KCNIP1: variants seen among roughly 807,000 people sequenced by gnomAD.
KCNIP1 encodes the protein A-type potassium channel modulatory protein KCNIP1.
A neutral mutation model predicts 33.0 loss-of-function variants in KCNIP1; 18 were observed. The ratio of observed to expected loss-of-function variants is 0.55; its 90% CI spans 0.38 to 0.81. The LOEUF (loss-of-function observed/expected upper bound fraction) is 0.81, where lower values mean the gene tolerates loss of function less well. Ranked by LOEUF, KCNIP1 falls within the 30% of genes least tolerant of loss-of-function variation. KCNIP1 has a pLI of 0.00. For missense variants in KCNIP1, 238 were observed against 271.6 expected (o/e 0.88, Z 0.87); for synonymous variants, 93 against 98.3 (o/e 0.95, Z 0.32).
At chr5:170,595,853 A>AAGTTTGTGTC (rs1322774579) in intron 1 of KCNIP1, among the ~76,000 whole-genome samples, 4 of 152,246 alleles carry the variant, frequency 2.6e-5, no homozygotes, top group Non-Finnish European at 4.4e-5. Flanking sequence ...TACATTTTAC[A>AAGTTTGTGTC]AGTTTGTGTC....
chr5:170,654,330 C>T lies in KCNIP1; in HGVS notation c.62-64428C>T, dbSNP rs571530370. ...TCAGGGCCATGGGGGATGCTCCAAG[C>T]GGTAAAATGCAACCAAAGCCCCGAA... On this transcript the variant is annotated intron_variant, in intron 1 of 7. Transcript: ENST00000328939. Among the ~76,000 whole-genome samples, 5 of 152,242 alleles carry T rather than the reference C, an allele frequency of 3.3e-5. No individual in the cohort carries two copies. In the South Asian group the frequency reaches 6.2e-4, roughly 19 times the overall value.
chr5:170,511,755 G>T (rs1754938363), intron 1 of KCNIP1, among the ~76,000 whole-genome samples: 1 of 152,214 alleles, frequency 6.6e-6, no homozygotes, highest in Non-Finnish European at 1.5e-5. Flanking sequence ...AAAGGGAAGT[G>T]CCTTACTAAG....
At chr5:170,608,852 C>T (rs1437315977) in intron 1 of KCNIP1, among the ~76,000 whole-genome samples, 1 of 152,168 alleles carries the variant, frequency 6.6e-6, no homozygotes. Flanking sequence ...ATTACTCCCC[C>T]CTTACTCTGT....
intron 1 of KCNIP1, among the ~76,000 whole-genome samples, chr5:170,530,691 C>T (rs1286677576): frequency 6.6e-6 from 1 of 152,188 alleles, no homozygotes; most frequent in Non-Finnish European, 1.5e-5. Flanking sequence ...CTCAGAGTTC[C>T]AGCCACGCTT....
At chr5:170,694,170 T>C (rs1262480451) in intron 1 of KCNIP1, among the ~76,000 whole-genome samples, 1 of 152,216 alleles carries the variant, frequency 6.6e-6, no homozygotes, top group African/African-American at 2.4e-5. Context: ...ATTAGAATGC[T>C]AATCTATAAG....
At chr5:170,412,416 A>G (rs534191241) in intron 1 of KCNIP1, among the ~76,000 whole-genome samples, 39 of 152,294 alleles carry the variant, frequency 2.6e-4, no homozygotes, top group Non-Finnish European at 4.6e-4. Context: ...TGGACATTCA[A>G]GTAGCAAGAG....
chr5:170,665,206 A>C (rs1290371866), intron 1 of KCNIP1, among the ~76,000 whole-genome samples: 1 of 152,224 alleles, frequency 6.6e-6, no homozygotes, highest in Non-Finnish European at 1.5e-5. Context: ...AGTGTTAATC[A>C]TTAGAAAATG....
At chr5:170,487,738 G>A (rs968664704) in intron 1 of KCNIP1, among the ~76,000 whole-genome samples, 5 of 151,848 alleles carry the variant, frequency 3.3e-5, no homozygotes, top group Admixed American at 1.3e-4. Flanking sequence ...GGCTGGTCTC[G>A]AACTCCTGGG....
At chr5:170,655,858 T>A (rs1354071683) in intron 1 of KCNIP1, among the ~76,000 whole-genome samples, 1 of 152,200 alleles carries the variant, frequency 6.6e-6, no homozygotes, top group Non-Finnish European at 1.5e-5. Context: ...CAATCAGTCA[T>A]CTTGCTCATT....
rs183174437 is a variant in KCNIP1, at chr5:170,404,652, A to G, written c.88+50688A>G. Among the ~76,000 whole-genome samples, 9 of 152,258 alleles carry G rather than the reference A, an allele frequency of 5.9e-5. No homozygotes were observed. The South Asian group carries it at 1.7e-3, about 28-fold the overall frequency. On this transcript the variant is annotated intron_variant, in intron 1 of 7. Transcript: ENST00000377360. ...AAGCAGTAGGGAAAGCAGAAGCTGC[A>G]AGTCCTCTAGAGGTCCAAGCTTGAA...
At chr5:170,690,855 G>A (rs1762695394) in intron 1 of KCNIP1, among the ~76,000 whole-genome samples, 1 of 152,202 alleles carries the variant, frequency 6.6e-6, no homozygotes, top group South Asian at 2.1e-4. Context: ...TTTAACCCAA[G>A]CATCTGATTG....
chr5:170,441,158 A>G (rs1755978723), intron 1 of KCNIP1, among the ~76,000 whole-genome samples: 1 of 152,174 alleles, frequency 6.6e-6, no homozygotes, highest in Admixed American at 6.5e-5. Flanking sequence ...ATCTTCCTCC[A>G]GCTGCCCTCC....
chr5:170,675,436 G>A (rs1418694394), intron 1 of KCNIP1, among the ~76,000 whole-genome samples: 3 of 152,136 alleles, frequency 2.0e-5, no homozygotes, highest in Non-Finnish European at 4.4e-5. Flanking sequence ...TGGCCAACAC[G>A]GTGAAACCCT....
At chr5:170,507,520 C>A (rs1754765398) in intron 1 of KCNIP1, among the ~76,000 whole-genome samples, 1 of 152,112 alleles carries the variant, frequency 6.6e-6, no homozygotes, top group Non-Finnish European at 1.5e-5. Context: ...TTTCTGGAAA[C>A]CTTATCCAGC....
At chr5:170,600,927 G>A (rs1159565074) in intron 1 of KCNIP1, among the ~76,000 whole-genome samples, 1 of 152,190 alleles carries the variant, frequency 6.6e-6, no homozygotes, top group Admixed American at 6.5e-5. Flanking sequence ...TGAATGTTTG[G>A]CAACACTGCA....
At position 170,489,596 on chromosome 5, in the gene KCNIP1, T is replaced by C. The variant is rs1009377334; in HGVS notation, c.88+135632T>C. Reference sequence around the variant, plus strand: ...CTGAGCAGACCACGCAAAATACAACTGTGATGTTATTTGCAGCAGGCATTC... The same window carrying C: ...CTGAGCAGACCACGCAAAATACAACCGTGATGTTATTTGCAGCAGGCATTC... On this transcript the variant is annotated intron_variant, in intron 1 of 7. Transcript: ENST00000377360. The surrounding 1 kb of genome is among the most constrained non-coding windows in gnomAD (Gnocchi z 4.3). Among the ~76,000 whole-genome samples, 2 of 152,162 alleles carry C rather than the reference T, an allele frequency of 1.3e-5. No homozygotes were observed. The highest frequency in any genetic ancestry group is 3.9e-4 in the East Asian group (2 of 5,186).
chr5:170,418,728 C>CA (rs1755397513), intron 1 of KCNIP1, among the ~76,000 whole-genome samples: 1 of 152,166 alleles, frequency 6.6e-6, no homozygotes, highest in South Asian at 2.1e-4. Context: ...ATTGTACCTA[C>CA]AAAAAGCCCG....
intron 3 of KCNIP1, among the ~76,000 whole-genome samples, chr5:170,721,110 T>G (rs1374217734): frequency 6.6e-6 from 1 of 152,220 alleles, no homozygotes; most frequent in African/African-American, 2.4e-5. Context: ...ACATCTTCCC[T>G]GGATCCTGAC....
chr5:170,515,265 G>A (rs77692896), intron 1 of KCNIP1, among the ~76,000 whole-genome samples: 1,807 of 152,288 alleles, frequency 0.012, 36 homozygotes, highest in African/African-American at 0.042. Flanking sequence ...ATTGAATCTT[G>A]TCCTGATCTT....
Sources: gnomAD v4.1 joint callset for allele counts (sites outside exome capture counted in the v4.1 genomes callset) on GRCh38, gnomAD v4.1.1 for gene constraint, Gnocchi (gnomAD v3.1) non-coding constraint, MANE v1.5 for transcripts, NCBI Gene and HGNC (gene_info 2026-07-23, HGNC 2026-07-21) for gene names.